Variants in TPPP observed in about 807,000 individuals in gnomAD.
TPPP encodes tubulin polymerization promoting protein.
A neutral mutation model predicts 15.5 loss-of-function variants in TPPP; 6 were observed. The ratio of observed to expected loss-of-function variants is 0.39; its 90% confidence interval spans 0.21 to 0.77. TPPP has a LOEUF of 0.77. Ranked by LOEUF, TPPP falls within the 30% of genes least tolerant of loss-of-function variation. The pLI, the probability that TPPP is intolerant of heterozygous loss-of-function variation, is 0.42. For missense variants in TPPP, 269 were observed against 307.2 expected (o/e 0.88, Z 0.93); for synonymous variants, 146 against 133.9 (o/e 1.09, Z -0.63).
chr5:688,843 G>A (rs1427330900), intron 1 of TPPP, among the ~76,000 whole-genome samples: 1 of 118,540 alleles, frequency 8.4e-6, no homozygotes, highest in African/African-American at 2.8e-5. Flanking sequence ...AGGAGAGGGT[G>A]GACGCCCCAG....
chr5:666,065 C>T lies in TPPP; in HGVS notation c.370G>A (p.Ala124Thr), dbSNP rs569786637. 1.2e-5 allele frequency: 19 copies of T among 1,612,362 alleles called. No individual in the cohort carries two copies. The highest frequency in any genetic ancestry group is 2.7e-5 in the African/African-American group (2 of 74,904). ...CTCTTGTCTTTGAATCGCTTCTTGG[C>T]GAGCTCCTCCAGCGCCTCCTGGAAC... ...EQFQEALEEL[A>T]KKRFKDKSSE... Residue 124 changes from alanine (A) to threonine (T), a missense_variant, in exon 3 of 4, where the codon GCC becomes ACC. Transcript: ENST00000360578.
At chr5:676,772 T>A (rs1463085090) in intron 2 of TPPP, among the ~76,000 whole-genome samples, 1 of 152,172 alleles carries the variant, frequency 6.6e-6, no homozygotes, top group East Asian at 1.9e-4. Context: ...GCAACAGACG[T>A]GTGCACACAT....
chr5:671,291 C>T (rs2126883584), intron 2 of TPPP, among the ~76,000 whole-genome samples: 1 of 152,268 alleles, frequency 6.6e-6, no homozygotes, highest in African/African-American at 2.4e-5. Flanking sequence ...CTGTGGACAT[C>T]ACTAGGAAGA....
chr5:699,535 A>C, the TPPP span, among the ~76,000 whole-genome samples: 1 of 152,080 alleles, frequency 6.6e-6, no homozygotes, highest in Non-Finnish European at 1.5e-5. Context: ...AACTTAGGAA[A>C]AATTCTTCTG....
At chr5:686,860 G>C (rs1740780532) in intron 1 of TPPP, among the ~76,000 whole-genome samples, 1 of 142,604 alleles carries the variant, frequency 7.0e-6, no homozygotes, top group African/African-American at 2.5e-5. Context: ...CCAGGCTCCT[G>C]GGAATGACCG....
At chr5:686,346 G>A (rs1740766079) in intron 1 of TPPP, among the ~76,000 whole-genome samples, 1 of 152,344 alleles carries the variant, frequency 6.6e-6, no homozygotes, top group South Asian at 2.1e-4. Flanking sequence ...GGGCTCTCAA[G>A]GGAGGCACAA....
intron 3 of TPPP, 168 bp from the exon 4 acceptor site, chr5:665,464 C>T (rs1739857545): frequency 4.4e-6 from 3 of 678,848 alleles, no homozygotes; most frequent in Admixed American, 3.0e-5. Flanking sequence ...TCTCCTGACC[C>T]TGGGGCAGCC....
At chr5:670,618 G>T (rs1446327193) in intron 2 of TPPP, among the ~76,000 whole-genome samples, 1 of 152,104 alleles carries the variant, frequency 6.6e-6, no homozygotes, top group Admixed American at 6.5e-5. Flanking sequence ...CCTTAGGGGA[G>T]CCCTGTCTGG....
chr5:692,079 C>G (rs1394389814), intron 1 of TPPP, among the ~76,000 whole-genome samples: 19 of 118,578 alleles, frequency 1.6e-4, no homozygotes, highest in African/African-American at 5.7e-4. Context: ...CAGCAGCCCC[C>G]CTAAGCCCCC....
intron 2 of TPPP, among the ~76,000 whole-genome samples, chr5:669,896 CAT>C (rs1487934140): frequency 2.0e-4 from 30 of 152,306 alleles, no homozygotes; most frequent in African/African-American, 6.0e-4. Context: ...GCTCTCCTGA[CAT>C]AGAGTGGGCC....
chr5:673,555 C>G (rs972819731), intron 2 of TPPP, among the ~76,000 whole-genome samples: 1 of 152,178 alleles, frequency 6.6e-6, no homozygotes, highest in Admixed American at 6.5e-5. Context: ...ATCTCCCACA[C>G]GGCGCCCACT....
At chr5:697,220 G>C (rs1402464077), upstream of TPPP, among the ~76,000 whole-genome samples, 1 of 151,276 alleles carries the variant, frequency 6.6e-6, no homozygotes, top group East Asian at 1.9e-4. Context: ...GTGACCCAGA[G>C]AACGGCAGGT....
At chr5:693,123 C>T (rs540624620) in intron 1 of TPPP, among the ~76,000 whole-genome samples, 155 bp downstream of exon 1, 1 of 79,254 alleles carries the variant, frequency 1.3e-5, no homozygotes, top group East Asian at 3.1e-4. Context: ...AATCCGGGGG[C>T]TCAGGGACGC....
chr5:696,858 CTGTG>C (rs1322612472), upstream of TPPP, among the ~76,000 whole-genome samples: 8 of 71,632 alleles, frequency 1.1e-4, no homozygotes, highest in South Asian at 4.0e-4. Context: ...GTATGTTCAG[CTGTG>C]TGTGTGTCTA....
At chr5:669,219 C>T (rs867431277) in intron 2 of TPPP, among the ~76,000 whole-genome samples, 1 of 152,202 alleles carries the variant, frequency 6.6e-6, no homozygotes, top group African/African-American at 2.4e-5. Flanking sequence ...AGGGCACATT[C>T]CAGACCCGCC....
Position 662,864 on chromosome 5 carries a change from C to T in TPPP, c.*2238G>A, listed in dbSNP as rs1444427426. The stretch of plus-strand genomic sequence containing the variant: ...TTATCGGGTGATTCCGGTGGCCACT[C>T]GTCTGTGATCGGGTGATTCCGATGA... On this transcript the variant is annotated 3_prime_UTR_variant, in exon 4 of 4. Coordinates refer to ENST00000360578, the MANE Select transcript of TPPP (RefSeq NM_007030.3). The T allele has an allele frequency of 1.4e-5, 2 of 143,812 alleles. No individual in the cohort carries two copies. The highest frequency in any genetic ancestry group is 2.7e-5 in the African/African-American group (1 of 36,550). 8.9% of individuals were successfully genotyped at this position (143,812 alleles called of 1,614,324 possible).
chr5:681,309 G>C lies in TPPP; in HGVS notation c.-4-3245C>G, dbSNP rs1014474331. On this transcript the variant is annotated intron_variant, in intron 1 of 3. Coordinates refer to ENST00000360578, the MANE Select transcript of TPPP (RefSeq NM_007030.3). ...AGAAGAGACTCCAGGAAGACAAACTGCTCACCTGGGGTCAAAGGACAAGCT... is the reference window on the plus strand; with the variant it reads ...AGAAGAGACTCCAGGAAGACAAACTCCTCACCTGGGGTCAAAGGACAAGCT... Among the ~76,000 whole-genome samples, 4 of 152,172 alleles carry C rather than the reference G, an allele frequency of 2.6e-5. No homozygotes were observed. In the East Asian group the frequency reaches 7.7e-4, roughly 29 times the overall value.
intron 1 of TPPP, among the ~76,000 whole-genome samples, chr5:692,308 C>T (rs1382536855): frequency 1.8e-5 from 2 of 111,362 alleles, no homozygotes; most frequent in Admixed American, 2.1e-4. Context: ...CCTATCAAAA[C>T]TGCAGCTCCC....
intron 1 of TPPP, among the ~76,000 whole-genome samples, chr5:684,353 G>T (rs1264737283): frequency 6.6e-6 from 1 of 152,206 alleles, no homozygotes; most frequent in African/African-American, 2.4e-5. Flanking sequence ...TGAGGAGAAA[G>T]TCTCCACTGC....
Sources: gnomAD v4.1 joint callset for allele counts (sites outside exome capture counted in the v4.1 genomes callset) on GRCh38, gnomAD v4.1.1 for gene constraint, MANE v1.5 for transcripts, NCBI Gene and HGNC (gene_info 2026-07-23, HGNC 2026-07-21) for gene names.